The following TNFRSF8 variants were observed in gnomAD, a reference collection of about 807,000 sequenced individuals.
TNFRSF8 encodes tumor necrosis factor receptor superfamily member 8.
In TNFRSF8, 26 loss-of-function variants were observed where a neutral mutation model predicts 70.8. That is an observed-to-expected ratio of 0.37 (90% CI 0.27 to 0.51). The LOEUF (loss-of-function observed/expected upper bound fraction) is 0.51. Ranked by LOEUF, TNFRSF8 falls within the 20% of genes least tolerant of loss-of-function variation. The pLI is 0.94. For synonymous variants in TNFRSF8, 356 were observed against 339.2 expected (o/e 1.05, Z -0.54); for missense variants, 720 against 807.9 (o/e 0.89, Z 1.32).
At position 12,113,439 on chromosome 1, in the gene TNFRSF8, G is replaced by C. The variant is rs186867801; in HGVS notation, c.793+1425G>C. ...TCCGCCGGCCTTGGCCTCCCAAAGTGTTGGAATTACAAGCATGAGCCATTG... is the reference window on the plus strand; with the variant it reads ...TCCGCCGGCCTTGGCCTCCCAAAGTCTTGGAATTACAAGCATGAGCCATTG... On this transcript the variant is annotated intron_variant, in intron 7 of 14. Coordinates refer to ENST00000263932, the MANE Select transcript of TNFRSF8 (RefSeq NM_001243.5). The surrounding 1 kb of genome is among the most constrained non-coding windows in gnomAD (Gnocchi z 4.9). Among the ~76,000 whole-genome samples the C allele has an allele frequency of 6.6e-6, 1 of 152,304 alleles. No homozygotes were observed. The highest frequency in any genetic ancestry group is 2.4e-5 in the African/African-American group (1 of 41,566).
chr1:12,103,288 C>T (rs1407621488), intron 3 of TNFRSF8, among the ~76,000 whole-genome samples: 1 of 151,800 alleles, frequency 6.6e-6, no homozygotes, highest in Non-Finnish European at 1.5e-5. Flanking sequence ...CACTTGAACC[C>T]AGGTTGCAGT....
rs1276097179 is a variant in TNFRSF8, at chr1:12,082,473, C to T, written c.64-1991C>T. On this transcript the variant is annotated intron_variant, in intron 1 of 14. Coordinates refer to ENST00000263932, the MANE Select transcript of TNFRSF8 (RefSeq NM_001243.5). ...AGGCGAAAGAGAGGACTATTTCAGC[C>T]TGGGAGGCTGAGGCTGCAGTGAGCC... 3.3e-5 allele frequency among the ~76,000 whole-genome samples: 5 copies of T among 150,018 alleles called. No homozygotes were observed. The East Asian group carries it at 9.7e-4, about 29-fold the overall frequency.
intron 12 of TNFRSF8, among the ~76,000 whole-genome samples, chr1:12,132,191 A>C (rs1230298130): frequency 6.6e-6 from 1 of 152,218 alleles, no homozygotes; most frequent in Non-Finnish European, 1.5e-5. Flanking sequence ...TTAGCATCTT[A>C]AGCCAGCATC....
In TNFRSF8 at chr1:12,138,405, G is replaced by A; in HGVS notation, c.1512G>A (p.Arg504=). 1 of 1,613,534 alleles carries A rather than the reference G, an allele frequency of 6.2e-7. No individual in the cohort carries two copies. Among genetic ancestry groups the A allele is most frequent in the South Asian group, 1.1e-5 (1 of 91,028 alleles). ...PSSPRDLPEP[R]VSTEHTNNKI... is the part of the protein sequence containing the mutation. ...CCCCCAGGGACCTTCCTGAGCCCCG[G>A]GTGTCCACGGAGCACACCAATAACA... Residue 504 remains arginine, a synonymous_variant, in exon 14 of 15, where the codon CGG becomes CGA. Coordinates refer to ENST00000263932, the MANE Select transcript of TNFRSF8 (RefSeq NM_001243.5). The surrounding 1 kb of genome is among the most constrained non-coding windows in gnomAD (Gnocchi z 5.7).
intron 4 of TNFRSF8, among the ~76,000 whole-genome samples, chr1:12,107,250 C>T (rs996591715): frequency 5.3e-5 from 8 of 152,070 alleles, no homozygotes; most frequent in African/African-American, 1.9e-4. Flanking sequence ...CAAAAGTTGG[C>T]CAGGTGTGGT....
Position 12,091,041 on chromosome 1 carries a change from A to T in TNFRSF8, c.152-6060A>T, listed in dbSNP as rs372027496. ...TACACAGAGACAAGACTGTGGGAGG[A>T]CATGGGGAACACAGTCCATCTGTAA... On this transcript the variant is annotated intron_variant, in intron 2 of 14. Transcript: ENST00000263932. Among the ~76,000 whole-genome samples the T allele has an allele frequency of 1.6e-4, 24 of 152,318 alleles. 2 individuals are homozygous for T. In the South Asian group the frequency reaches 3.1e-3, roughly 20 times the overall value.
In TNFRSF8 at chr1:12,113,012, C is replaced by T. The variant is rs1641659999; in HGVS notation, c.793+998C>T. Among the ~76,000 whole-genome samples the T allele has an allele frequency of 6.6e-6, 1 of 152,252 alleles. No individual in the cohort carries two copies. The highest frequency in any genetic ancestry group is 2.1e-4 in the South Asian group (1 of 4,830). On this transcript the variant is annotated intron_variant, in intron 7 of 14. Coordinates refer to ENST00000263932, the MANE Select transcript of TNFRSF8 (RefSeq NM_001243.5). The surrounding 1 kb of genome is among the most constrained non-coding windows in gnomAD (Gnocchi z 4.9). ...TCATTGGAGGTCTCTGTCCTAGTTA[C>T]TAAGGCTGCATAGCAAATTTTCTTA...
At chr1:12,064,088 C>G (rs1230773428) in intron 1 of TNFRSF8, among the ~76,000 whole-genome samples, 1 of 152,090 alleles carries the variant, frequency 6.6e-6, no homozygotes, top group Non-Finnish European at 1.5e-5. Flanking sequence ...TGTGCGCGGT[C>G]CCGTTTGCCC....
intron 14 of TNFRSF8, among the ~76,000 whole-genome samples, chr1:12,139,114 C>T (rs776806023): frequency 1.3e-5 from 2 of 148,732 alleles, no homozygotes; most frequent in African/African-American, 2.6e-5. Flanking sequence ...TGCTTCTCAT[C>T]ACCTTGGTAC....
In TNFRSF8 at chr1:12,110,850, G is replaced by A. The variant is rs565479705; in HGVS notation, c.676+646G>A. ...CGACCTCAGGTGATCCGCCCACCTC[G>A]GCCTCCCAAAGTGCTGGGAGGATTA... On this transcript the variant is annotated intron_variant, in intron 6 of 14. Coordinates refer to ENST00000263932, the MANE Select transcript of TNFRSF8 (RefSeq NM_001243.5). This position sits in a 1 kb window ranked among gnomAD's most constrained non-coding sequence, Gnocchi z 4.0. 3.7e-5 allele frequency among the ~76,000 whole-genome samples: 5 copies of A among 134,804 alleles called. No homozygotes were observed. Among genetic ancestry groups the A allele is most frequent in the African/African-American group, 8.7e-5 (3 of 34,298 alleles). 88.4% of individuals were successfully genotyped at this position (134,804 alleles called of 152,430 possible).
chr1:12,065,928 G>A (rs1400198882), intron 1 of TNFRSF8, among the ~76,000 whole-genome samples: 1 of 152,140 alleles, frequency 6.6e-6, no homozygotes, highest in Non-Finnish European at 1.5e-5. Flanking sequence ...AGAATACTGA[G>A]GTTGCAGGGC....
At position 12,081,943 on chromosome 1, in the gene TNFRSF8, G is replaced by C. The variant is rs117016355; in HGVS notation, c.64-2521G>C. Among the ~76,000 whole-genome samples, 33 of 151,808 alleles carry C rather than the reference G, an allele frequency of 2.2e-4. No individual in the cohort carries two copies. In the South Asian group the frequency reaches 2.5e-3, roughly 12 times the overall value. On this transcript the variant is annotated intron_variant, in intron 1 of 14. Coordinates refer to ENST00000263932, the MANE Select transcript of TNFRSF8 (RefSeq NM_001243.5). Reference sequence around the variant, plus strand: ...GGAAATGCTACAAGGCTTCCTCCCTGCCTCTTGCCTCACTTCCTGCTTCCC... The same window carrying C: ...GGAAATGCTACAAGGCTTCCTCCCTCCCTCTTGCCTCACTTCCTGCTTCCC...
At chr1:12,118,220 T>TA (rs142233134) in intron 8 of TNFRSF8, among the ~76,000 whole-genome samples, 15,692 of 151,874 alleles carry the variant, frequency 0.1, 1,048 homozygotes, top group African/African-American at 0.19. Flanking sequence ...GAGCTATTCT[T>TA]GTGCCTCAGC....
At chr1:12,118,784 G>A (rs1047050980) in intron 8 of TNFRSF8, among the ~76,000 whole-genome samples, 3 of 152,210 alleles carry the variant, frequency 2.0e-5, no homozygotes, top group African/African-American at 7.2e-5. Context: ...ATGCAGTTAA[G>A]CCTTGCCAGC....
At chr1:12,071,075 G>A (rs1246794058) in intron 1 of TNFRSF8, among the ~76,000 whole-genome samples, 1 of 152,148 alleles carries the variant, frequency 6.6e-6, no homozygotes, top group Non-Finnish European at 1.5e-5. Flanking sequence ...TACAGTATAT[G>A]CTAGTTTTCT....
At chr1:12,098,847 T>A (rs1329462649) in intron 3 of TNFRSF8, among the ~76,000 whole-genome samples, 2 of 152,198 alleles carry the variant, frequency 1.3e-5, no homozygotes, top group Non-Finnish European at 2.9e-5. Context: ...AAGTAATTAT[T>A]TTTCCCACCT....
intron 13 of TNFRSF8, among the ~76,000 whole-genome samples, chr1:12,136,532 C>T (rs1226180074): frequency 6.6e-6 from 1 of 151,786 alleles, no homozygotes; most frequent in African/African-American, 2.4e-5. Flanking sequence ...GCCTGTAGTC[C>T]CAGCTACTCA....
chr1:12,072,703 C>T (rs1291937555), intron 1 of TNFRSF8, among the ~76,000 whole-genome samples: 1 of 152,212 alleles, frequency 6.6e-6, no homozygotes, highest in African/African-American at 2.4e-5. Flanking sequence ...CATCAACTTT[C>T]TTGACGGATT....
At chr1:12,106,752 G>A (rs1641531025) in intron 4 of TNFRSF8, among the ~76,000 whole-genome samples, 1 of 151,980 alleles carries the variant, frequency 6.6e-6, no homozygotes, top group Non-Finnish European at 1.5e-5. Flanking sequence ...AGTGGACTGG[G>A]CAGCAGATAC....
Sources: allele counts gnomAD v4.1 joint callset (sites outside exome capture counted in the v4.1 genomes callset), GRCh38; gene constraint gnomAD v4.1.1; non-coding constraint Gnocchi (gnomAD v3.1); transcripts MANE v1.5; gene names NCBI Gene and HGNC (gene_info 2026-07-23, HGNC 2026-07-21).